The following EYS variants were observed in gnomAD, a reference collection of about 807,000 sequenced individuals.
EYS encodes EGF-like photoreceptor maintenance factor.
Under a neutral mutation model 282.1 loss-of-function variants are expected in EYS, and 250 were observed. The observed-to-expected ratio is 0.89, with a 90% CI of 0.80 to 0.98. The LOEUF is 0.98. Among genes scored for constraint, EYS ranks in the 50% least tolerant of loss-of-function variants. EYS has a pLI of 0.00. For missense variants in EYS, 4,016 were observed against 3,709.0 expected (o/e 1.08, Z -2.15); for synonymous variants, 1,355 against 1,282.9 (o/e 1.06, Z -1.20).
At chr6:65,125,135 G>T (rs1291331691) in intron 12 of EYS, among the ~76,000 whole-genome samples, 1 of 152,160 alleles carries the variant, frequency 6.6e-6, no homozygotes, top group Non-Finnish European at 1.5e-5. Context: ...CATTAATCTA[G>T]ACTTTAAAAT....
intron 31 of EYS, among the ~76,000 whole-genome samples, chr6:64,222,462 C>G (rs1766133101): frequency 6.6e-6 from 1 of 151,944 alleles, no homozygotes; most frequent in Admixed American, 6.6e-5. Context: ...CACATTAGCC[C>G]TTGTTTTTAC....
chr6:65,619,035 G>C (rs1355844957), intron 2 of EYS, among the ~76,000 whole-genome samples: 1 of 152,074 alleles, frequency 6.6e-6, no homozygotes, highest in Non-Finnish European at 1.5e-5. Flanking sequence ...TGGCGATGCG[G>C]GCTCTTTTTT....
In EYS at chr6:65,139,186, G is replaced by A. The variant is rs545614446; in HGVS notation, c.2024-81459C>T. Among the ~76,000 whole-genome samples, 5 of 152,032 alleles carry A rather than the reference G, an allele frequency of 3.3e-5. No homozygotes were observed. The South Asian group carries it at 1.0e-3, about 32-fold the overall frequency. ...GTAAAGGCAAGGAATCAACCTAGAT[G>A]CCCATCAATGGTAGACTAGATAAAG... On this transcript the variant is annotated intron_variant, in intron 12 of 42. Coordinates refer to ENST00000503581, the MANE Select transcript of EYS (RefSeq NM_001142800.2).
At chr6:65,171,475 T>C (rs534485080) in intron 12 of EYS, among the ~76,000 whole-genome samples, 2 of 151,536 alleles carry the variant, frequency 1.3e-5, no homozygotes, top group African/African-American at 2.4e-5. Flanking sequence ...TTCATACTTA[T>C]GAAGTTAAAC....
chr6:64,640,340 C>A (rs1270559926), intron 22 of EYS, among the ~76,000 whole-genome samples: 1 of 151,770 alleles, frequency 6.6e-6, no homozygotes, highest in African/African-American at 2.4e-5. Context: ...CAATGATAGA[C>A]TGGATTAAGA....
chr6:65,442,452 C>A (rs1325323234), intron 5 of EYS, among the ~76,000 whole-genome samples: 1 of 151,618 alleles, frequency 6.6e-6, no homozygotes, highest in Non-Finnish European at 1.5e-5. Flanking sequence ...TACTGTTTTT[C>A]ATAAATTTTA....
At chr6:65,248,482 G>A (rs1457394475) in intron 12 of EYS, among the ~76,000 whole-genome samples, 1 of 152,056 alleles carries the variant, frequency 6.6e-6, no homozygotes, top group Non-Finnish European at 1.5e-5. Context: ...AAATGATAGA[G>A]TACATGGGGA....
At chr6:64,732,160 G>A (rs188968644) in intron 22 of EYS, among the ~76,000 whole-genome samples, 11 of 152,156 alleles carry the variant, frequency 7.2e-5, no homozygotes, top group East Asian at 1.9e-4. Flanking sequence ...GGGGCCTGTC[G>A]GGGTTGGGGG....
At chr6:64,190,454 G>A (rs897306463) in intron 31 of EYS, among the ~76,000 whole-genome samples, 2 of 152,162 alleles carry the variant, frequency 1.3e-5, no homozygotes, top group Non-Finnish European at 2.9e-5. Flanking sequence ...ACTGTGAAGT[G>A]TCAGAGCATG....
chr6:65,297,772 C>T (rs374912519), intron 11 of EYS, among the ~76,000 whole-genome samples: 10 of 152,108 alleles, frequency 6.6e-5, no homozygotes, highest in South Asian at 6.2e-4. Context: ...CCCTTCAATA[C>T]CTTTCCTCTT....
intron 26 of EYS, among the ~76,000 whole-genome samples, chr6:64,468,342 T>C (rs1361180108): frequency 6.6e-6 from 1 of 152,204 alleles, no homozygotes; most frequent in African/African-American, 2.4e-5. Context: ...CTGAACAACA[T>C]CATAAATACA....
chr6:65,030,317 T>C (rs1772557352), intron 13 of EYS, among the ~76,000 whole-genome samples: 1 of 152,044 alleles, frequency 6.6e-6, no homozygotes, highest in Admixed American at 6.6e-5. Flanking sequence ...CATAGGTCCT[T>C]TGTTGACAGA....
intron 12 of EYS, among the ~76,000 whole-genome samples, chr6:65,172,581 A>T (rs771178621): frequency 2.0e-5 from 3 of 151,374 alleles, no homozygotes; most frequent in Non-Finnish European, 4.4e-5. Flanking sequence ...TATATTAAAA[A>T]TTCATTATTT....
intron 26 of EYS, among the ~76,000 whole-genome samples, chr6:64,513,798 TGAA>T (rs1459829690): frequency 2.0e-5 from 3 of 151,746 alleles, no homozygotes; most frequent in Non-Finnish European, 1.5e-5. Flanking sequence ...TTGATTAACA[TGAA>T]GAAAAATTAT....
intron 2 of EYS, among the ~76,000 whole-genome samples, chr6:65,566,901 T>G (rs1173681759): frequency 6.6e-6 from 1 of 152,114 alleles, no homozygotes; most frequent in African/African-American, 2.4e-5. Context: ...CAAAGAAAAT[T>G]TGTTTACCAC....
At chr6:65,120,683 C>G (rs1243016568) in intron 12 of EYS, among the ~76,000 whole-genome samples, 2 of 152,036 alleles carry the variant, frequency 1.3e-5, no homozygotes, top group Non-Finnish European at 2.9e-5. Context: ...AAAGCACAAG[C>G]CAATATCATC....
In EYS at chr6:65,429,272, A is replaced by G. The variant is rs113545179; in HGVS notation, c.863-23905T>C. Among the ~76,000 whole-genome samples the G allele has an allele frequency of 2.4e-3, 366 of 152,278 alleles. 2 individuals are homozygous for G. Among genetic ancestry groups the G allele is most frequent in the African/African-American group, 8.3e-3 (347 of 41,566 alleles). On this transcript the variant is annotated intron_variant, in intron 5 of 42. Coordinates refer to ENST00000503581, the MANE Select transcript of EYS (RefSeq NM_001142800.2). Reference sequence around the variant, plus strand: ...CAGTGCATGGTGTGCAACTAGAAATATACTATGTGGAATCTCCCTTTAATA... The same window carrying G: ...CAGTGCATGGTGTGCAACTAGAAATGTACTATGTGGAATCTCCCTTTAATA...
chr6:64,056,815 T>A (rs1771001847), intron 33 of EYS, among the ~76,000 whole-genome samples: 1 of 152,186 alleles, frequency 6.6e-6, no homozygotes, highest in African/African-American at 2.4e-5. Flanking sequence ...CAGATGCCAC[T>A]GGGTACTGTG....
chr6:64,557,240 AC>A (rs1765262981), intron 26 of EYS, among the ~76,000 whole-genome samples: 2 of 151,074 alleles, frequency 1.3e-5, no homozygotes, highest in African/African-American at 4.9e-5. Context: ...ACACACACAC[AC>A]ACACACACAC....
Sources: gnomAD v4.1 joint callset for allele counts (sites outside exome capture counted in the v4.1 genomes callset) on GRCh38, gnomAD v4.1.1 for gene constraint, MANE v1.5 for transcripts, NCBI Gene and HGNC (gene_info 2026-07-23, HGNC 2026-07-21) for gene names.